The following SLC41A3 variants were observed in gnomAD, a reference collection of about 807,000 sequenced individuals.
SLC41A3 encodes the protein solute carrier family 41 member 3, also known as SLC41A1-like 2.
Under a neutral mutation model 45.4 loss-of-function variants are expected in SLC41A3, and 44 were observed. The ratio of observed to expected loss-of-function variants is 0.97; its 90% CI spans 0.76 to 1.25. SLC41A3 has a LOEUF of 1.25. Among genes scored for constraint, SLC41A3 ranks in the 50% most tolerant of loss-of-function variants. SLC41A3 has a pLI of 0.00. For missense variants in SLC41A3, 550 were observed against 600.6 expected, an observed-to-expected ratio of 0.92 and a Z score of 0.88; for synonymous variants, 256 against 252.4, an observed-to-expected ratio of 1.01 and a Z score of -0.13.
chr3:126,061,561 A>G (rs1165350360), intron 2 of SLC41A3, among the ~76,000 whole-genome samples: 2 of 152,192 alleles, frequency 1.3e-5, no homozygotes, highest in African/African-American at 2.4e-5. Context: ...TACACAGTAT[A>G]TGCTGCCTGA....
chr3:126,006,976 G>T lies in SLC41A3; in HGVS notation c.*40C>A. 6.2e-7 allele frequency: 1 copy of T among 1,613,430 alleles called. No individual in the cohort carries two copies. Among genetic ancestry groups the T allele is most frequent in the Non-Finnish European group, 8.5e-7 (1 of 1,179,480 alleles). On this transcript the variant is annotated 3_prime_UTR_variant, in exon 11 of 11. Coordinates refer to ENST00000360370, the MANE Select transcript of SLC41A3 (RefSeq NM_017836.4). ...TGAATTCTGTATCCCACTGATGTGA[G>T]AGGAAATTCTAATGAGCAAATGGGA...
At chr3:126,076,770 G>T (rs1233757994) in intron 1 of SLC41A3, among the ~76,000 whole-genome samples, 2 of 152,166 alleles carry the variant, frequency 1.3e-5, no homozygotes, top group South Asian at 2.1e-4. Context: ...GTTTTACAAT[G>T]TGTGCAGCCC....
In SLC41A3 at chr3:126,054,547, CCT is replaced by C. The variant is rs370829599; in HGVS notation, c.274-3499_274-3498del. Among the ~76,000 whole-genome samples the C allele has an allele frequency of 2.7e-4, 41 of 152,228 alleles. No homozygotes were observed. The East Asian group carries it at 5.8e-3, about 22-fold the overall frequency. ...CACTGTCCCCATGACAGCGGCCACC[CCT>C]GTCTCTCACTTTCCACAAATGCACA... On this transcript the variant is annotated intron_variant, in intron 2 of 10. Transcript: ENST00000360370.
At chr3:126,093,977 G>A (rs891208572) in intron 1 of SLC41A3, among the ~76,000 whole-genome samples, 20 of 152,218 alleles carry the variant, frequency 1.3e-4, no homozygotes, top group African/African-American at 4.8e-4. Flanking sequence ...CATAGTTAGA[G>A]TTGGCAAAGC....
chr3:126,090,754 A>C (rs1945474713), intron 1 of SLC41A3, among the ~76,000 whole-genome samples: 1 of 152,206 alleles, frequency 6.6e-6, no homozygotes, highest in Non-Finnish European at 1.5e-5. Flanking sequence ...CTGCTGCTGA[A>C]ACTATAAAAG....
intron 1 of SLC41A3, among the ~76,000 whole-genome samples, chr3:126,097,689 TC>T (rs2108141749): frequency 6.6e-6 from 1 of 152,276 alleles, no homozygotes; most frequent in South Asian, 2.1e-4. Flanking sequence ...ACTATTTTCT[TC>T]CTAACTCTAA....
chr3:126,063,955 C>CCT lies in SLC41A3; in HGVS notation c.273+3991_273+3992insAG, dbSNP rs199712238. On this transcript the variant is annotated intron_variant, in intron 2 of 10. Transcript: ENST00000360370. ...ACTGATTAAGCCAGATCCAACCCCC[C>CCT]CCCGGGGACACACACTCCCCATACC... Among the ~76,000 whole-genome samples, 38 of 141,424 alleles carry CCT rather than the reference C, an allele frequency of 2.7e-4. 1 individual carries two copies. Among genetic ancestry groups the CCT allele is most frequent in the Non-Finnish European group, 5.6e-4 (35 of 62,624 alleles). The allele number at this position is 141,424 out of a possible 152,430, so 92.8% of individuals were successfully genotyped here.
chr3:126,033,901 G>T lies in SLC41A3; in HGVS notation c.382-223C>A, dbSNP rs117707630. On this transcript the variant is annotated intron_variant, in intron 3 of 10. Transcript: ENST00000360370. The stretch of plus-strand genomic sequence containing the variant: ...AGACCCCTTTGAGAACTGGATGGGG[G>T]TCATGGATCAGTCCTCCATGACCAT... 2.0e-3 allele frequency among the ~76,000 whole-genome samples: 298 copies of T among 150,326 alleles called. 6 individuals carry two copies. In the East Asian group the frequency reaches 0.052, roughly 26 times the overall value.
At chr3:126,092,931 C>G (rs1945518575) in intron 1 of SLC41A3, among the ~76,000 whole-genome samples, 1 of 152,174 alleles carries the variant, frequency 6.6e-6, no homozygotes, top group Non-Finnish European at 1.5e-5. Flanking sequence ...TTCTGCACCC[C>G]CTGCTTATTA....
chr3:126,081,481 G>A (rs542034757), intron 1 of SLC41A3, among the ~76,000 whole-genome samples: 7 of 152,180 alleles, frequency 4.6e-5, no homozygotes, highest in South Asian at 2.1e-4. Flanking sequence ...TTTATATTTC[G>A]GAATAGCTAG....
In SLC41A3 at chr3:126,035,789, G is replaced by A. The variant is rs979390273; in HGVS notation, c.382-2111C>T. Among the ~76,000 whole-genome samples the A allele has an allele frequency of 2.6e-5, 4 of 152,160 alleles. No individual in the cohort carries two copies. In the East Asian group the frequency reaches 7.7e-4, roughly 29 times the overall value. ...GGCAAGTGGAGAAGACAGCTCAGAGGAGCCTGACTTGGGTTTGGTCAAGGA... is the reference window on the plus strand; with the variant it reads ...GGCAAGTGGAGAAGACAGCTCAGAGAAGCCTGACTTGGGTTTGGTCAAGGA... On this transcript the variant is annotated intron_variant, in intron 3 of 10. Coordinates refer to ENST00000360370, the MANE Select transcript of SLC41A3 (RefSeq NM_017836.4).
intron 8 of SLC41A3, among the ~76,000 whole-genome samples, chr3:126,014,548 C>T (rs1940071514): frequency 6.6e-6 from 1 of 152,250 alleles, no homozygotes; most frequent in African/African-American, 2.4e-5. Context: ...ATCACTCCAA[C>T]GTAATAAGCC....
chr3:126,088,168 A>G (rs549772887), upstream of SLC41A3, among the ~76,000 whole-genome samples: 4 of 152,098 alleles, frequency 2.6e-5, no homozygotes, highest in Non-Finnish European at 5.9e-5. Flanking sequence ...GGCCAATAAA[A>G]TTAGATCTTG....
intron 3 of SLC41A3, among the ~76,000 whole-genome samples, chr3:126,048,037 C>T (rs988325825): frequency 2.0e-5 from 3 of 152,086 alleles, no homozygotes; most frequent in Non-Finnish European, 4.4e-5. Flanking sequence ...AACAGAACAA[C>T]CAAAAAAACT....
At chr3:126,011,294 C>T (rs1475085154) in intron 9 of SLC41A3, among the ~76,000 whole-genome samples, 1 of 152,044 alleles carries the variant, frequency 6.6e-6, no homozygotes, top group Non-Finnish European at 1.5e-5. Context: ...ACATACAATA[C>T]CCCCAAAAGT....
At chr3:126,075,222 A>G (rs941137332) in intron 1 of SLC41A3, among the ~76,000 whole-genome samples, 2 of 152,254 alleles carry the variant, frequency 1.3e-5, no homozygotes, top group Non-Finnish European at 2.9e-5. Flanking sequence ...CTAGGATTAC[A>G]GCTGTGAGCC....
chr3:126,098,599 CG>C (rs1945647880), intron 1 of SLC41A3, among the ~76,000 whole-genome samples: 1 of 152,230 alleles, frequency 6.6e-6, no homozygotes, highest in African/African-American at 2.4e-5. Flanking sequence ...AGATGGACCA[CG>C]GGGGAGGTCT....
chr3:126,016,555 A>C (rs1208685695), intron 7 of SLC41A3, among the ~76,000 whole-genome samples, 176 bp downstream of exon 7: 2 of 152,224 alleles, frequency 1.3e-5, no homozygotes, highest in Admixed American at 1.3e-4. Context: ...TTCTCAGTGA[A>C]AGGGAGAGAA....
chr3:126,088,343 CTTGGTAATCT>C (rs2108126028), upstream of SLC41A3, among the ~76,000 whole-genome samples: 1 of 152,160 alleles, frequency 6.6e-6, no homozygotes, highest in South Asian at 2.1e-4. Flanking sequence ...TTCACATGAT[CTTGGTAATCT>C]TTGGTAAAAG....
Sources: gnomAD v4.1 joint callset for allele counts (sites outside exome capture counted in the v4.1 genomes callset) on GRCh38, gnomAD v4.1.1 for gene constraint, MANE v1.5 for transcripts, NCBI Gene and HGNC (gene_info 2026-07-23, HGNC 2026-07-21) for gene names.